The following PSIP1 variants were observed in gnomAD, a reference collection of about 807,000 sequenced individuals.
PSIP1 encodes PC4 and SFRS1-interacting protein.
A neutral mutation model predicts 74.7 loss-of-function variants in PSIP1; 19 were observed. That is an observed-to-expected ratio of 0.25 (90% CI 0.18 to 0.37). The LOEUF (loss-of-function observed/expected upper bound fraction) is 0.37. PSIP1 is among the 10% of genes least tolerant of loss of function. The probability of loss-of-function intolerance (pLI) is 1.00; values close to 1 mark genes in which losing one functional copy is unlikely to be tolerated. For synonymous variants in PSIP1, 222 were observed against 195.3 expected, an observed-to-expected ratio of 1.14 and a Z score of -1.14; for missense variants, 601 against 614.3, an observed-to-expected ratio of 0.98 and a Z score of 0.23.
intron 3 of PSIP1, among the ~76,000 whole-genome samples, chr9:15,504,294 C>A (rs1586863319): frequency 6.6e-6 from 1 of 152,178 alleles, no homozygotes; most frequent in East Asian, 1.9e-4. Context: ...TACCTATTAA[C>A]CAAACAACAG....
At chr9:15,503,537 T>C (rs1028056685) in intron 3 of PSIP1, among the ~76,000 whole-genome samples, 4 of 151,802 alleles carry the variant, frequency 2.6e-5, no homozygotes, top group Non-Finnish European at 5.9e-5. Context: ...AGCAAGCTAC[T>C]GCAGTTATCA....
At position 15,510,788 on chromosome 9, in the gene PSIP1, G is replaced by C. The variant is rs1034520724; in HGVS notation, c.-142+29C>G. ...CCAGGAGCGACGCCACCGAGGGGGG[G>C]GCGGGGCGAGTCCCCGTCGCCCGCT... On this transcript the variant is annotated intron_variant, in intron 1 of 15. Transcript: ENST00000380733. The C allele has an allele frequency of 9.2e-5, 14 of 152,088 alleles. No individual in the cohort carries two copies. The South Asian group carries it at 1.2e-3, about 13-fold the overall frequency. 9.4% of individuals were successfully genotyped at this position (152,088 alleles called of 1,614,324 possible). A position where few individuals can be genotyped will look rare whatever the true frequency, so the allele number is the denominator to read the frequency against.
intron 10 of PSIP1, chr9:15,470,610 A>G: frequency 1.0e-6 from 1 of 954,888 alleles, no homozygotes; most frequent in Non-Finnish European, 1.2e-6. Flanking sequence ...CAAATAGACA[A>G]GAACAAAAAA....
intron 8 of PSIP1, among the ~76,000 whole-genome samples, chr9:15,477,401 T>A (rs748011667): frequency 6.6e-6 from 1 of 152,184 alleles, no homozygotes; most frequent in Non-Finnish European, 1.5e-5. Context: ...TATATTGTTA[T>A]GTGCCACTAT....
At chr9:15,506,438 T>G in intron 3 of PSIP1, 123 bp downstream of exon 3, 1 of 651,026 alleles carries the variant, frequency 1.5e-6, no homozygotes, top group Non-Finnish European at 2.6e-6. Context: ...TAAAGACTCT[T>G]TCCAAAGTTC....
In PSIP1 at chr9:15,469,058, C is replaced by G. The variant is rs780347835; in HGVS notation, c.1105G>C (p.Asp369His). 6.2e-7 allele frequency: 1 copy of G among 1,611,474 alleles called. No individual in the cohort carries two copies. The highest frequency in any genetic ancestry group is 8.5e-7 in the Non-Finnish European group (1 of 1,178,712). The change falls in exon 13 of 16, where the codon GAT becomes CAT. Residue 369 changes from aspartate (D) to histidine (H), a missense_variant and splice_region_variant. By Grantham distance (81) the Asp-to-His change is moderately conservative. Around this residue, in one of 2 missense-constraint regions of PSIP1, gnomAD observed 538 missense variants for 507.6 expected, o/e 1.06. Transcript: ENST00000380733. ...IKNSLKIDNL[D>H]VNRCIEALDE... ...AAGGCCTCAATGCATCTGTTCACAT[C>G]CTTCATGACAAAACAGTAATTTCAT...
intron 10 of PSIP1, chr9:15,471,380 G>A (rs551763001): frequency 1.3e-6 from 2 of 1,537,306 alleles, no homozygotes; most frequent in Non-Finnish European, 1.8e-6. Flanking sequence ...ATTTGAGAAA[G>A]TTACATTGGA....
chr9:15,506,776 C>T, intron 2 of PSIP1, 139 bp from the exon 3 acceptor site: 1 of 601,180 alleles, frequency 1.7e-6, no homozygotes, highest in Non-Finnish European at 2.6e-6. Flanking sequence ...CTCCTATCCC[C>T]AAATCTGAAA....
chr9:15,510,610 G>A (rs983136359), intron 1 of PSIP1, among the ~76,000 whole-genome samples: 1 of 152,130 alleles, frequency 6.6e-6, no homozygotes, highest in Non-Finnish European at 1.5e-5. Flanking sequence ...CCCCAAAAGG[G>A]AGGGGGTGCA....
intron 3 of PSIP1, among the ~76,000 whole-genome samples, chr9:15,501,101 C>A (rs1298477997): frequency 6.6e-6 from 1 of 151,892 alleles, no homozygotes; most frequent in Non-Finnish European, 1.5e-5. Context: ...CCCCACTTTA[C>A]AAATGACAAA....
chr9:15,483,361 C>G (rs1035640096), intron 6 of PSIP1, among the ~76,000 whole-genome samples: 2 of 151,912 alleles, frequency 1.3e-5, no homozygotes, highest in Non-Finnish European at 2.9e-5. Context: ...CCCCCGCCCC[C>G]TTTACCATCC....
chr9:15,468,538 A>T, intron 14 of PSIP1, 92 bp downstream of exon 14: 1 of 1,352,950 alleles, frequency 7.4e-7, no homozygotes, highest in South Asian at 1.2e-5. Context: ...TGGCGTATAC[A>T]CAGTGAAACT....
intron 3 of PSIP1, among the ~76,000 whole-genome samples, chr9:15,501,239 A>C (rs1215062786): frequency 1.3e-5 from 2 of 152,144 alleles, no homozygotes; most frequent in African/African-American, 2.4e-5. Context: ...GCAAATGCAT[A>C]ATCAACAAAT....
At chr9:15,487,440 C>A (rs1405820237) in intron 4 of PSIP1, among the ~76,000 whole-genome samples, 1 of 151,754 alleles carries the variant, frequency 6.6e-6, no homozygotes, top group African/African-American at 2.4e-5. Context: ...ACCAAAAATA[C>A]AAAAATTAGC....
chr9:15,474,138 C>G lies in PSIP1; in HGVS notation c.729G>C (p.Lys243Asn). The change falls in exon 9 of 16, where the codon AAG becomes AAC. Residue 243 changes from lysine (K) to asparagine (N), a missense_variant. Lys to Asn is a moderately conservative substitution (Grantham distance 94). Coordinates refer to ENST00000380733, the MANE Select transcript of PSIP1 (RefSeq NM_033222.5). ...KDEEGQKEED[K>N]PRKEPDKKEG... ...CTTTTTTATCCGGCTCTTTTCTTGG[C>G]TTATCTTCTTCCTTCTGGCCCTCTT... 1.9e-6 allele frequency: 3 copies of G among 1,613,264 alleles called. No homozygotes were observed. Among genetic ancestry groups the G allele is most frequent in the Middle Eastern group, 1.7e-4 (1 of 5,960 alleles).
chr9:15,501,271 C>A (rs2037331504), intron 3 of PSIP1, among the ~76,000 whole-genome samples: 1 of 151,810 alleles, frequency 6.6e-6, no homozygotes, highest in Non-Finnish European at 1.5e-5. Flanking sequence ...GTGCACAAAG[C>A]TTTCAATCAC....
intron 3 of PSIP1, among the ~76,000 whole-genome samples, chr9:15,504,001 T>A (rs1423429148): frequency 6.6e-6 from 1 of 152,146 alleles, no homozygotes; most frequent in African/African-American, 2.4e-5. Context: ...CGCTTCAGCC[T>A]CCCAAAGTGC....
chr9:15,493,422 C>A (rs752841178), intron 3 of PSIP1, among the ~76,000 whole-genome samples: 3 of 152,186 alleles, frequency 2.0e-5, no homozygotes, highest in Admixed American at 2.0e-4. Context: ...TCAACTTTCC[C>A]ACATTTTCCT....
chr9:15,502,249 T>C (rs2037383870), intron 3 of PSIP1, among the ~76,000 whole-genome samples: 1 of 152,180 alleles, frequency 6.6e-6, no homozygotes. Flanking sequence ...ATATAGTTGT[T>C]ACATTGCATT....
Sources: allele counts gnomAD v4.1 joint callset (sites outside exome capture counted in the v4.1 genomes callset), GRCh38; gene constraint gnomAD v4.1.1; regional missense constraint gnomAD v4.1.1; transcripts MANE v1.5; gene names NCBI Gene and HGNC (gene_info 2026-07-23, HGNC 2026-07-21).